The following PZP variants were observed in gnomAD, a reference collection of about 807,000 sequenced individuals.
PZP encodes pregnancy zone protein.
Under a neutral mutation model 179.8 loss-of-function variants are expected in PZP, and 150 were observed. The observed-to-expected ratio is 0.83, with a 90% CI of 0.73 to 0.96. PZP has a LOEUF of 0.96. PZP is among the 40% of genes least tolerant of loss of function. PZP has a pLI of 0.00. For synonymous variants in PZP, 624 were observed against 652.3 expected (o/e 0.96, Z 0.66); for missense variants, 1,689 against 1,764.0 (o/e 0.96, Z 0.76).
chr12:9,177,577 A>AC (rs963167041), intron 15 of PZP, among the ~76,000 whole-genome samples: 11 of 152,178 alleles, frequency 7.2e-5, no homozygotes. Context: ...TAACGCAAAC[A>AC]CCCTTTCTAC....
chr12:9,186,555 G>A (rs1283066372), intron 13 of PZP, among the ~76,000 whole-genome samples: 1 of 152,050 alleles, frequency 6.6e-6, no homozygotes, highest in African/African-American at 2.4e-5. Context: ...AAGGAAAGGA[G>A]AAAAATCTGT....
At chr12:9,193,438 C>T (rs1396796726) in intron 11 of PZP, among the ~76,000 whole-genome samples, 1 of 152,140 alleles carries the variant, frequency 6.6e-6, no homozygotes, top group African/African-American at 2.4e-5. Flanking sequence ...GATCTTTTAA[C>T]TCCATGAAAA....
chr12:9,180,687 C>A (rs1222571800), intron 15 of PZP, among the ~76,000 whole-genome samples: 1 of 152,146 alleles, frequency 6.6e-6, no homozygotes, highest in African/African-American at 2.4e-5. Context: ...GACCTAAAAC[C>A]ATAAAAACCC....
At chr12:9,176,739 T>A (rs1000129083) in intron 15 of PZP, among the ~76,000 whole-genome samples, 1 of 152,202 alleles carries the variant, frequency 6.6e-6, no homozygotes, top group African/African-American at 2.4e-5. Flanking sequence ...GACGAGTAAC[T>A]CCTGAGTGCC....
At position 9,180,982 on chromosome 12, in the gene PZP, C is replaced by T; in HGVS notation, c.1839+1G>A. The T allele has an allele frequency of 6.2e-7, 1 of 1,612,092 alleles. No individual in the cohort carries two copies. The highest frequency in any genetic ancestry group is 8.5e-7 in the Non-Finnish European group (1 of 1,179,280). ...GGTCCCCAAGGCCACTGGAAACTCA[C>T]TGAGGACACAGAGAGCTCAGCCTCA... On this transcript the variant is annotated splice_donor_variant, in intron 15 of 35. Transcript: ENST00000261336. LOFTEE classifies it high-confidence loss of function.
At position 9,208,355 on chromosome 12, in the gene PZP, T is replaced by C; in HGVS notation, c.-14A>G. On this transcript the variant is annotated 5_prime_UTR_variant, in exon 1 of 36. Transcript: ENST00000261336. Reference sequence around the variant, plus strand: ...GTCTTTCCGCATTGTGAGGGATAAATCTCAGGGTTGTGTCCAACTCTCTGC... The same window carrying C: ...GTCTTTCCGCATTGTGAGGGATAAACCTCAGGGTTGTGTCCAACTCTCTGC... 6.2e-7 allele frequency: 1 copy of C among 1,607,710 alleles called. No individual in the cohort carries two copies. Among genetic ancestry groups the C allele is most frequent in the South Asian group, 1.1e-5 (1 of 90,904 alleles).
chr12:9,160,297 T>C lies in PZP; in HGVS notation c.3049+17A>G. The C allele has an allele frequency of 6.3e-7, 1 of 1,584,536 alleles. No homozygotes were observed. The highest frequency in any genetic ancestry group is 8.6e-7 in the Non-Finnish European group (1 of 1,166,260). On this transcript the variant is annotated intron_variant, in intron 24 of 35. Coordinates refer to ENST00000261336, the MANE Select transcript of PZP (RefSeq NM_002864.3). ...TTCATTAGAGTAACAAAGTAAATTT[T>C]TCTCTGTCTCACTTACCAGTGATGA...
At chr12:9,202,220 T>G in intron 4 of PZP, 99 bp downstream of exon 4, 1 of 1,106,206 alleles carries the variant, frequency 9.0e-7, no homozygotes, top group Non-Finnish European at 1.3e-6. Context: ...CAAAAACAAG[T>G]GTCTTTCATC....
intron 15 of PZP, chr12:9,169,849 G>C: frequency 3.4e-6 from 1 of 296,938 alleles, no homozygotes; most frequent in Middle Eastern, 9.5e-4. Context: ...CTTCATTGTA[G>C]AGTCTAGAGG....
chr12:9,185,085 C>T (rs1943020289), intron 13 of PZP, among the ~76,000 whole-genome samples: 1 of 152,096 alleles, frequency 6.6e-6, no homozygotes. Flanking sequence ...GCTGAGATGG[C>T]TGAAATGACA....
At chr12:9,151,694 C>T (rs1565620969) in intron 32 of PZP, 22 bp from the exon 33 acceptor site, 1 of 1,601,420 alleles carries the variant, frequency 6.2e-7, no homozygotes, top group East Asian at 2.2e-5. Flanking sequence ...TAGAAAACTT[C>T]AGTTAAAGTT....
At chr12:9,160,772 G>A (rs964668997) in intron 23 of PZP, among the ~76,000 whole-genome samples, 9 of 151,974 alleles carry the variant, frequency 5.9e-5, no homozygotes, top group Admixed American at 6.6e-5. Flanking sequence ...AAAATTAGCC[G>A]GGCGTGGTGG....
intron 15 of PZP, among the ~76,000 whole-genome samples, chr12:9,172,782 C>T (rs1483119174): frequency 6.6e-6 from 1 of 151,916 alleles, no homozygotes. Context: ...GCTAACTATC[C>T]TAAATATATA....
intron 19 of PZP, 76 bp downstream of exon 19, chr12:9,165,063 A>G: frequency 6.6e-7 from 1 of 1,506,600 alleles, no homozygotes; most frequent in Non-Finnish European, 9.2e-7. Flanking sequence ...TAGTCTCAGG[A>G]ACAGAATCAG....
chr12:9,184,794 G>A (rs1192710969), intron 13 of PZP, among the ~76,000 whole-genome samples: 1 of 152,182 alleles, frequency 6.6e-6, no homozygotes, highest in Non-Finnish European at 1.5e-5. Context: ...CAATCCAGGA[G>A]TCCTGAACTG....
At chr12:9,203,382 C>T (rs1222316778) in intron 2 of PZP, among the ~76,000 whole-genome samples, 1 of 145,314 alleles carries the variant, frequency 6.9e-6, no homozygotes, top group Non-Finnish European at 1.5e-5. Context: ...CGCTCTGTCG[C>T]CCAGGCTGGA....
At chr12:9,159,903 C>G (rs1438961761) in intron 25 of PZP, 35 bp downstream of exon 25, 4 of 1,543,026 alleles carry the variant, frequency 2.6e-6, no homozygotes, top group Non-Finnish European at 3.6e-6. Context: ...GTTCTGAACT[C>G]ATAGTTGAAA....
At position 9,196,585 on chromosome 12, in the gene PZP, C is replaced by G; in HGVS notation, c.968G>C (p.Arg323Thr). 6.2e-7 allele frequency: 1 copy of G among 1,608,522 alleles called. No individual in the cohort carries two copies. The highest frequency in any genetic ancestry group is 8.5e-7 in the Non-Finnish European group (1 of 1,174,972). Reference sequence around the variant, plus strand: ...ATTACTCACACCTGTCCCCTCTTCTCTGATCCTGGCTTCCACTCTAAGCTT... The same window carrying G: ...ATTACTCACACCTGTCCCCTCTTCTGTGATCCTGGCTTCCACTCTAAGCTT... ...EMKLRVEARIREEGTDLEVTA... is the reference protein window; with the variant it reads ...EMKLRVEARITEEGTDLEVTA... The change falls in exon 9 of 36, where the codon AGA becomes ACA. Residue 323 changes from arginine to threonine, a missense_variant. Arg to Thr is a moderately conservative substitution (Grantham distance 71). This residue lies in a region of PZP where 742 missense variants were observed against 730.5 expected (regional missense o/e 1.02). Transcript: ENST00000261336.
chr12:9,165,911 A>G, intron 18 of PZP, 141 bp downstream of exon 18: 1 of 1,031,348 alleles, frequency 9.7e-7, no homozygotes, highest in Non-Finnish European at 1.4e-6. Flanking sequence ...GCAATTGCGC[A>G]TTTTACTTAG....
Sources: allele counts gnomAD v4.1 joint callset (sites outside exome capture counted in the v4.1 genomes callset), GRCh38; gene constraint gnomAD v4.1.1; regional missense constraint gnomAD v4.1.1; transcripts MANE v1.5; gene names NCBI Gene and HGNC (gene_info 2026-07-23, HGNC 2026-07-21).